Variants in RBFOX1 observed in about 807,000 individuals in gnomAD.
The protein encoded by RBFOX1 is RNA binding protein fox-1 homolog 1.
In RBFOX1, 8 loss-of-function variants were observed where a neutral mutation model predicts 57.7. The observed-to-expected ratio is 0.14, with a 90% CI of 0.08 to 0.25. RBFOX1 has a LOEUF of 0.25. RBFOX1 is among the 10% of genes least tolerant of loss of function. The pLI, the probability that RBFOX1 is intolerant of heterozygous loss-of-function variation, is 1.00. For missense variants in RBFOX1, 611 were observed against 548.5 expected (o/e 1.11, Z -1.14); for synonymous variants, 326 against 222.4 (o/e 1.47, Z -4.15).
intron 2 of RBFOX1, among the ~76,000 whole-genome samples, chr16:5,598,704 C>T (rs551653262): frequency 1.3e-5 from 2 of 152,142 alleles, no homozygotes; most frequent in Admixed American, 6.5e-5. Context: ...GGCTTTGTAG[C>T]CATATCGGGC....
intron 3 of RBFOX1, among the ~76,000 whole-genome samples, chr16:5,778,254 C>T (rs1218461453): frequency 6.6e-6 from 1 of 152,158 alleles, no homozygotes; most frequent in Non-Finnish European, 1.5e-5. Flanking sequence ...CATTTCAAGG[C>T]ATTCCTTGGC....
At chr16:7,258,430 T>C (rs1316166337) in intron 4 of RBFOX1, among the ~76,000 whole-genome samples, 1 of 152,176 alleles carries the variant, frequency 6.6e-6, no homozygotes, top group Non-Finnish European at 1.5e-5. Context: ...ACTGTGTGCA[T>C]TATTTGCCTG....
intron 4 of RBFOX1, among the ~76,000 whole-genome samples, chr16:7,091,244 C>A (rs922888474): frequency 1.3e-5 from 2 of 151,044 alleles, no homozygotes; most frequent in South Asian, 2.1e-4. Context: ...AGTTAAAATA[C>A]TGCAATTTTT....
intron 10 of RBFOX1, among the ~76,000 whole-genome samples, chr16:7,621,352 G>A (rs755721013): frequency 2.0e-5 from 3 of 151,644 alleles, no homozygotes; most frequent in Non-Finnish European, 2.9e-5. Flanking sequence ...CCTCTGCCTC[G>A]CGGGTTCAAG....
At chr16:6,128,989 C>G (rs942342660) in intron 1 of RBFOX1, among the ~76,000 whole-genome samples, 2 of 152,200 alleles carry the variant, frequency 1.3e-5, no homozygotes, top group African/African-American at 4.8e-5. Context: ...CCTAGCACAA[C>G]AGGATCAAAT....
At chr16:6,418,229 A>G (rs2093678357) in intron 2 of RBFOX1, among the ~76,000 whole-genome samples, 1 of 152,200 alleles carries the variant, frequency 6.6e-6, no homozygotes, top group African/African-American at 2.4e-5. Context: ...ACCATATGGC[A>G]TGCCCATTTT....
intron 4 of RBFOX1, among the ~76,000 whole-genome samples, chr16:7,254,524 T>C (rs1468383688): frequency 6.6e-6 from 1 of 152,012 alleles, no homozygotes; most frequent in Non-Finnish European, 1.5e-5. Flanking sequence ...ATATGCCCAT[T>C]TTAGGTGTTA....
intron 3 of RBFOX1, among the ~76,000 whole-genome samples, chr16:5,741,153 C>T (rs1418520502): frequency 1.3e-5 from 2 of 152,202 alleles, no homozygotes; most frequent in Admixed American, 6.5e-5. Flanking sequence ...TGGCCACCAT[C>T]AGGCCATCAA....
rs2074998559 is a variant in RBFOX1 at position 6,751,921 on chromosome 16, GAGTCC to G, written c.-16+97274_-16+97278del. Among the ~76,000 whole-genome samples the G allele has an allele frequency of 2.0e-5, 3 of 152,154 alleles. No individual in the cohort carries two copies. In the South Asian group the frequency reaches 6.2e-4, roughly 32 times the overall value. On this transcript the variant is annotated intron_variant, in intron 3 of 15. Coordinates refer to ENST00000550418, the MANE Select transcript of RBFOX1 (RefSeq NM_018723.4). ...ATGAATTTTCCAGGGGTGCCAGCGT[GAGTCC>G]AGGCTTTAACAAACAATATTTTTAA...
At chr16:6,228,046 C>A (rs138898974) in intron 1 of RBFOX1, among the ~76,000 whole-genome samples, 15 of 152,276 alleles carry the variant, frequency 9.9e-5, no homozygotes, top group Admixed American at 9.2e-4. Flanking sequence ...CACGGTGGCT[C>A]ACACCTATAA....
chr16:7,597,399 C>G lies in RBFOX1; in HGVS notation c.590C>G (p.Thr197Arg), dbSNP rs2094760561. The change falls in exon 9 of 16, where the codon ACA (threonine) becomes AGA (arginine). Residue 197 changes from threonine (T) to arginine (R), a missense_variant. By Grantham distance (71) the Thr-to-Arg change is moderately conservative. Coordinates refer to ENST00000550418, the MANE Select transcript of RBFOX1 (RefSeq NM_018723.4). ...AATAATGCCACAGCACGTGTAATGA[C>G]AAATAAAAAGACCGTCAACCCTTAT... ...EVNNATARVM[T>R]NKKTVNPYTN... 6.2e-7 allele frequency: 1 copy of G among 1,611,012 alleles called. No individual in the cohort carries two copies. Among genetic ancestry groups the G allele is most frequent in the African/African-American group, 1.3e-5 (1 of 74,780 alleles).
intron 2 of RBFOX1, among the ~76,000 whole-genome samples, chr16:5,527,426 C>T (rs565384200): frequency 6.6e-6 from 1 of 152,220 alleles, no homozygotes; most frequent in East Asian, 1.9e-4. Context: ...TCTTAGAAGC[C>T]ACATATTGAG....
intron 4 of RBFOX1, among the ~76,000 whole-genome samples, chr16:7,361,198 G>T (rs1261562300): frequency 2.0e-5 from 3 of 152,138 alleles, no homozygotes; most frequent in Non-Finnish European, 4.4e-5. Flanking sequence ...GCTCAGTGAA[G>T]CCAGTTTCGT....
At chr16:5,271,532 A>T (rs2063007693) in intron 1 of RBFOX1, among the ~76,000 whole-genome samples, 1 of 152,226 alleles carries the variant, frequency 6.6e-6, no homozygotes, top group South Asian at 2.1e-4. Context: ...TGAGATGTAG[A>T]GGTCATGGCG....
At chr16:7,288,065 C>G (rs929610037) in intron 4 of RBFOX1, among the ~76,000 whole-genome samples, 1 of 152,114 alleles carries the variant, frequency 6.6e-6, no homozygotes, top group Non-Finnish European at 1.5e-5. Flanking sequence ...GTAACATGGT[C>G]TCCTTTAGAT....
intron 2 of RBFOX1, among the ~76,000 whole-genome samples, chr16:6,530,189 A>AT (rs1245800181): frequency 6.6e-6 from 1 of 151,948 alleles, no homozygotes; most frequent in East Asian, 1.9e-4. Context: ...ACTTTGGAGC[A>AT]TTTTTTCCTT....
chr16:7,609,090 G>A (rs1252020879), intron 10 of RBFOX1, among the ~76,000 whole-genome samples: 1 of 152,224 alleles, frequency 6.6e-6, no homozygotes, highest in African/African-American at 2.4e-5. Flanking sequence ...TGAAAAGTCA[G>A]ACAACAGCTT....
intron 3 of RBFOX1, among the ~76,000 whole-genome samples, chr16:6,837,358 C>A (rs766802307): frequency 6.6e-6 from 1 of 152,162 alleles, no homozygotes; most frequent in Admixed American, 6.5e-5. Flanking sequence ...GAAGTGGAGT[C>A]AGAGTTCTTG....
chr16:5,443,033 C>T (rs377465392), intron 1 of RBFOX1, among the ~76,000 whole-genome samples: 1 of 152,140 alleles, frequency 6.6e-6, no homozygotes, highest in Non-Finnish European at 1.5e-5. Flanking sequence ...CCAGGAGCCA[C>T]TAGAGACTGA....
Sources: gnomAD v4.1 joint callset for allele counts (sites outside exome capture counted in the v4.1 genomes callset) on GRCh38, gnomAD v4.1.1 for gene constraint, MANE v1.5 for transcripts, NCBI Gene and HGNC (gene_info 2026-07-23, HGNC 2026-07-21) for gene names.